The following CEP83 variants were observed in gnomAD, a reference collection of about 807,000 sequenced individuals.
CEP83 encodes centrosomal protein 83, also known as centrosomal protein of 83 kDa.
Under a neutral mutation model 101.9 loss-of-function variants are expected in CEP83, and 70 were observed. That is an observed-to-expected ratio of 0.69 (90% CI 0.57 to 0.84). The LOEUF (loss-of-function observed/expected upper bound fraction) is 0.84, where lower values mean the gene tolerates loss of function less well. Ranked by LOEUF, CEP83 falls within the 40% of genes least tolerant of loss-of-function variation. CEP83 has a pLI of 0.00. For synonymous variants in CEP83, 264 were observed against 267.9 expected (o/e 0.99, Z 0.14); for missense variants, 715 against 787.2 (o/e 0.91, Z 1.10).
chr12:94,459,523 C>G (rs1314399034), intron 1 of CEP83, 34 bp downstream of exon 1: 1 of 152,318 alleles, frequency 6.6e-6, no homozygotes, highest in Non-Finnish European at 1.5e-5. Flanking sequence ...AAAATACAAA[C>G]AAGACACCGT....
intron 1 of CEP83, among the ~76,000 whole-genome samples, chr12:94,440,525 A>AT (rs1055752917): frequency 4.6e-5 from 7 of 152,014 alleles, no homozygotes; most frequent in Non-Finnish European, 1.0e-4. Flanking sequence ...AAAAAAAAAA[A>AT]GCTGAAAGAA....
chr12:94,298,623 A>G, the CEP83 span: 262 of 1,579,992 alleles, frequency 1.7e-4, 1 homozygote, highest in East Asian at 1.1e-3. Context: ...GATGTTGTCT[A>G]TCTTTCAGGT....
chr12:94,424,308 C>T (rs915222342), intron 2 of CEP83: 66 of 1,613,994 alleles, frequency 4.1e-5, no homozygotes, highest in Non-Finnish European at 5.2e-5. Context: ...TTCTTTGGCC[C>T]GCCATCAGCA....
At chr12:94,342,774 ACAAGT>A (rs1162444287) in intron 11 of CEP83, among the ~76,000 whole-genome samples, 1 of 152,080 alleles carries the variant, frequency 6.6e-6, no homozygotes, top group Non-Finnish European at 1.5e-5. Flanking sequence ...ATGGTATCAG[ACAAGT>A]CAAGCAAAAA....
chr12:94,300,399 A>C, the CEP83 span, among the ~76,000 whole-genome samples: 8 of 152,166 alleles, frequency 5.3e-5, no homozygotes, highest in African/African-American at 1.9e-4. Context: ...ACAAGTTGTG[A>C]GGCACGTGCT....
the CEP83 span, among the ~76,000 whole-genome samples, chr12:94,286,616 C>CAAAAA: frequency 3.9e-5 from 4 of 101,374 alleles, no homozygotes; most frequent in East Asian, 3.2e-4. Flanking sequence ...TGCTTAAAAG[C>CAAAAA]AAAAAAAAAA....
intron 11 of CEP83, among the ~76,000 whole-genome samples, chr12:94,336,016 G>C (rs1463058620): frequency 6.6e-6 from 1 of 152,078 alleles, no homozygotes; most frequent in Non-Finnish European, 1.5e-5. Flanking sequence ...AGAATGTGTT[G>C]CTAAGGTATC....
chr12:94,367,984 A>G (rs746166229), intron 10 of CEP83, 41 bp from the exon 11 acceptor site: 2 of 1,606,748 alleles, frequency 1.2e-6, no homozygotes, highest in Non-Finnish European at 1.7e-6. Flanking sequence ...GAACTATAAT[A>G]AAGATGATAT....
chr12:94,377,321 T>C (rs1011296361), intron 7 of CEP83, among the ~76,000 whole-genome samples: 1 of 152,180 alleles, frequency 6.6e-6, no homozygotes, highest in Non-Finnish European at 1.5e-5. Flanking sequence ...CTGGGAACTG[T>C]GGCTCAGTGC....
the CEP83 span, among the ~76,000 whole-genome samples, chr12:94,268,588 C>CTTTTTTTTTTTTTTT: frequency 3.4e-4 from 31 of 90,878 alleles, no homozygotes; most frequent in East Asian, 4.0e-3. Context: ...AGAATAAGAC[C>CTTTTTTTTTTTTTTT]TTTTTTTTTT....
At chr12:94,313,979 A>T (rs1057441508) in intron 14 of CEP83, among the ~76,000 whole-genome samples, 1 of 152,242 alleles carries the variant, frequency 6.6e-6, no homozygotes, top group African/African-American at 2.4e-5. Flanking sequence ...TGCCTTTCTA[A>T]ATCTTAAAAG....
intron 14 of CEP83, among the ~76,000 whole-genome samples, chr12:94,326,681 A>G (rs1438202046): frequency 1.3e-5 from 2 of 152,230 alleles, no homozygotes; most frequent in East Asian, 1.9e-4. Flanking sequence ...GTGTCCTTAC[A>G]TAACAGGAGT....
intron 13 of CEP83, among the ~76,000 whole-genome samples, chr12:94,333,094 C>T (rs2059303870): frequency 7.1e-6 from 1 of 140,598 alleles, no homozygotes; most frequent in Non-Finnish European, 1.6e-5. Context: ...AAAGAAAATC[C>T]AAGATAGTTC....
intron 8 of CEP83, among the ~76,000 whole-genome samples, chr12:94,372,188 G>A (rs1436294154): frequency 6.6e-6 from 1 of 151,940 alleles, no homozygotes; most frequent in Non-Finnish European, 1.5e-5. Context: ...TGGCCAGGCT[G>A]GTCTTGAACT....
At chr12:94,335,720 C>T in intron 11 of CEP83, 56 bp from the exon 12 acceptor site, 1 of 1,167,624 alleles carries the variant, frequency 8.6e-7, no homozygotes, top group Admixed American at 2.3e-5. Context: ...TCATTTATTT[C>T]ACTGAATTAA....
Position 94,312,922 on chromosome 12 carries a change from G to A in CEP83, c.1803C>T (p.Val601=). 1 of 1,539,860 alleles carries A rather than the reference G, an allele frequency of 6.5e-7. No homozygotes were observed. Among genetic ancestry groups the A allele is most frequent in the Non-Finnish European group, 8.9e-7 (1 of 1,118,072 alleles). Residue 601 remains valine (V), a synonymous_variant, in exon 15 of 17, where the codon GTC becomes GTT. Coordinates refer to ENST00000397809, the MANE Select transcript of CEP83 (RefSeq NM_016122.3). ...KKEELETENQ[V]LNRQNVPFED... is the part of the protein sequence containing the mutation. ...ACATACAAACACATTACCTATTTAAGACCTGATTTTCTGTTTCCAATTCTT... is the reference window on the plus strand; with the variant it reads ...ACATACAAACACATTACCTATTTAAAACCTGATTTTCTGTTTCCAATTCTT...
At chr12:94,356,088 A>G (rs2060459200) in intron 11 of CEP83, among the ~76,000 whole-genome samples, 1 of 152,120 alleles carries the variant, frequency 6.6e-6, no homozygotes, top group African/African-American at 2.4e-5. Context: ...GCGCCCATTC[A>G]TGGGGGCTCG....
intron 14 of CEP83, among the ~76,000 whole-genome samples, chr12:94,328,797 G>A (rs1368699632): frequency 2.6e-5 from 4 of 152,170 alleles, no homozygotes; most frequent in African/African-American, 7.2e-5. Context: ...GCCTAACAGC[G>A]CAGTGGAAAG....
chr12:94,319,306 A>G (rs1971230466), intron 14 of CEP83, among the ~76,000 whole-genome samples: 3 of 151,988 alleles, frequency 2.0e-5, no homozygotes, highest in Admixed American at 1.3e-4. Context: ...ATTTTTCTTC[A>G]TTAGGCTAAC....
Sources: gnomAD v4.1 joint callset for allele counts (sites outside exome capture counted in the v4.1 genomes callset) on GRCh38, gnomAD v4.1.1 for gene constraint, MANE v1.5 for transcripts, NCBI Gene and HGNC (gene_info 2026-07-23, HGNC 2026-07-21) for gene names.